DDHD1: variants seen among roughly 807,000 people sequenced by gnomAD.
The protein encoded by DDHD1 is phospholipase DDHD1.
Under a neutral mutation model 96.4 loss-of-function variants are expected in DDHD1, and 49 were observed. The observed-to-expected ratio is 0.51, with a 90% CI of 0.40 to 0.64. DDHD1 has a LOEUF of 0.64. DDHD1 is among the 30% of genes least tolerant of loss of function. The pLI, the probability that DDHD1 is intolerant of heterozygous loss-of-function variation, is 0.00. For missense variants in DDHD1, 1,106 were observed against 1,161.2 expected, an observed-to-expected ratio of 0.95 and a Z score of 0.69; for synonymous variants, 442 against 446.5, an observed-to-expected ratio of 0.99 and a Z score of 0.13.
In DDHD1 at chr14:53,152,759, A is replaced by AGCCGCC. The variant is rs778018412; in HGVS notation, c.339_340insGGCGGC (p.Ser113_Ser114insGlyGly). 133 of 1,503,084 alleles carry AGCCGCC rather than the reference A, an allele frequency of 8.8e-5. 4 individuals carry two copies. The East Asian group carries it at 3.2e-3, about 36-fold the overall frequency. 93.1% of individuals were successfully genotyped at this position (1,503,084 alleles called of 1,614,324 possible). On this transcript the variant is annotated inframe_insertion, in exon 1 of 13. Coordinates refer to ENST00000673822, the MANE Select transcript of DDHD1 (RefSeq NM_001160148.2). Reference sequence around the variant, plus strand: ...TGCTGCGGCGGGTGCAGCGACAAGGAGCTGCCGCCGCCGCCGCTCTCACCC... The same window carrying AGCCGCC: ...TGCTGCGGCGGGTGCAGCGACAAGGAGCCGCCGCTGCCGCCGCCGCCGCTCTCACCC...
At chr14:53,105,236 T>A (rs1887596845) in intron 1 of DDHD1, among the ~76,000 whole-genome samples, 1 of 152,090 alleles carries the variant, frequency 6.6e-6, no homozygotes. Context: ...TGAACACTCC[T>A]AATATAAAGA....
chr14:53,082,691 G>A (rs541163589), intron 4 of DDHD1, among the ~76,000 whole-genome samples: 43 of 151,106 alleles, frequency 2.8e-4, no homozygotes, highest in Admixed American at 5.9e-4. Context: ...CCCAGGAGGC[G>A]GAGGCTGCAG....
Position 53,037,520 on chromosome 14 carries a change from G to A in DDHD1, c.*9248C>T, listed in dbSNP as rs1022548809. 2.6e-5 allele frequency: 4 copies of A among 152,038 alleles called. No individual in the cohort carries two copies. The highest frequency in any genetic ancestry group is 6.6e-5 in the Admixed American group (1 of 15,250). 9.4% of individuals were successfully genotyped at this position (152,038 alleles called of 1,614,324 possible). ...TGATTAGTGATGAGCATTTTTTCAC[G>A]TTTGTTGATTGCTTGTATGTCTTCT... On this transcript the variant is annotated 3_prime_UTR_variant, in exon 13 of 13. Transcript: ENST00000673822.
At chr14:53,112,925 G>A (rs989153960) in intron 1 of DDHD1, among the ~76,000 whole-genome samples, 1 of 152,044 alleles carries the variant, frequency 6.6e-6, no homozygotes, top group Non-Finnish European at 1.5e-5. Context: ...CAGTCACTTG[G>A]TAAAGAAATA....
intron 1 of DDHD1, among the ~76,000 whole-genome samples, chr14:53,123,232 C>T (rs576357222): frequency 5.3e-5 from 8 of 151,412 alleles, no homozygotes; most frequent in African/African-American, 1.2e-4. Context: ...TTGCAACCTC[C>T]GCCTCCAGAG....
intron 4 of DDHD1, among the ~76,000 whole-genome samples, chr14:53,090,617 C>T (rs190460350): frequency 4.6e-5 from 7 of 152,260 alleles, no homozygotes; most frequent in Middle Eastern, 3.4e-3. Context: ...AGCAAACTAT[C>T]GCAAGGACAG....
At chr14:53,139,186 G>A (rs568353488) in intron 1 of DDHD1, among the ~76,000 whole-genome samples, 31 of 152,042 alleles carry the variant, frequency 2.0e-4, no homozygotes, top group Middle Eastern at 6.8e-3. Flanking sequence ...GCTGGGGTCC[G>A]GCAGAATTGC....
At chr14:53,074,340 C>T (rs984995194) in intron 4 of DDHD1, among the ~76,000 whole-genome samples, 2 of 151,640 alleles carry the variant, frequency 1.3e-5, no homozygotes, top group Non-Finnish European at 2.9e-5. Context: ...ATTAGTATTA[C>T]AATTACAATT....
chr14:53,144,341 C>T (rs1347800527), intron 1 of DDHD1, among the ~76,000 whole-genome samples: 1 of 152,178 alleles, frequency 6.6e-6, no homozygotes, highest in Non-Finnish European at 1.5e-5. Flanking sequence ...TTTCCTAAAC[C>T]TTACAGACAG....
At chr14:53,067,750 C>A (rs941198727) in intron 6 of DDHD1, among the ~76,000 whole-genome samples, 1 of 152,242 alleles carries the variant, frequency 6.6e-6, no homozygotes, top group African/African-American at 2.4e-5. Flanking sequence ...AGCCACCGTG[C>A]CCTGCCCAGC....
chr14:53,085,397 C>T (rs369637874), intron 4 of DDHD1, among the ~76,000 whole-genome samples: 5 of 152,126 alleles, frequency 3.3e-5, no homozygotes, highest in Non-Finnish European at 5.9e-5. Context: ...CTCACACAGC[C>T]GGGTGCCCCT....
chr14:53,138,125 C>G (rs1890369970), intron 1 of DDHD1, among the ~76,000 whole-genome samples: 1 of 152,190 alleles, frequency 6.6e-6, no homozygotes, highest in Non-Finnish European at 1.5e-5. Context: ...TACTTAAAGG[C>G]TGGGTGCGGT....
intron 1 of DDHD1, among the ~76,000 whole-genome samples, chr14:53,146,802 G>A (rs1351018465): frequency 1.3e-5 from 2 of 152,012 alleles, no homozygotes; most frequent in Non-Finnish European, 2.9e-5. Flanking sequence ...CAAAAGAGTA[G>A]AACTGTAGAT....
chr14:53,047,730 C>T (rs1429465204), intron 12 of DDHD1, among the ~76,000 whole-genome samples: 2 of 152,254 alleles, frequency 1.3e-5, no homozygotes, highest in African/African-American at 2.4e-5. Flanking sequence ...AAAGTCCTTG[C>T]GATTACCTGT....
At chr14:53,136,957 A>G (rs1339163372) in intron 1 of DDHD1, among the ~76,000 whole-genome samples, 1 of 152,228 alleles carries the variant, frequency 6.6e-6, no homozygotes, top group Non-Finnish European at 1.5e-5. Flanking sequence ...GTCCGTCAAT[A>G]AAAACATCCG....
intron 1 of DDHD1, among the ~76,000 whole-genome samples, chr14:53,130,753 C>A (rs1406503278): frequency 6.6e-6 from 1 of 152,194 alleles, no homozygotes; most frequent in Non-Finnish European, 1.5e-5. Context: ...CTGTGTGGGG[C>A]CCCACTGGAA....
chr14:53,138,412 G>A (rs1347303586), intron 1 of DDHD1, among the ~76,000 whole-genome samples: 1 of 152,210 alleles, frequency 6.6e-6, no homozygotes, highest in Admixed American at 6.5e-5. Flanking sequence ...CTGGGCAACA[G>A]AGCGAGACTC....
chr14:53,147,174 ACCAGCACAT>A (rs747474442), intron 1 of DDHD1, among the ~76,000 whole-genome samples: 5 of 152,158 alleles, frequency 3.3e-5, no homozygotes, highest in Non-Finnish European at 7.4e-5. Flanking sequence ...GGATTCCTTG[ACCAGCACAT>A]CCAGATTTTT....
rs1212261875 is a variant in DDHD1, at chr14:53,039,582, A to T, written c.*7186T>A. 1.3e-5 allele frequency: 2 copies of T among 152,326 alleles called. No individual in the cohort carries two copies. The highest frequency in any genetic ancestry group is 4.8e-5 in the African/African-American group (2 of 41,470). 9.4% of individuals were successfully genotyped at this position (152,326 alleles called of 1,614,324 possible). A position where few individuals can be genotyped will look rare whatever the true frequency, so the allele number is the denominator to read the frequency against. ...CATGGAATTGGCTAGGAGAGGATCCAAAAGGAGGGGAAACAGGATGCTGGG... is the reference window on the plus strand; with the variant it reads ...CATGGAATTGGCTAGGAGAGGATCCTAAAGGAGGGGAAACAGGATGCTGGG... On this transcript the variant is annotated 3_prime_UTR_variant, in exon 13 of 13. Transcript: ENST00000673822.
Sources: gnomAD v4.1 joint callset for allele counts (sites outside exome capture counted in the v4.1 genomes callset) on GRCh38, gnomAD v4.1.1 for gene constraint, MANE v1.5 for transcripts, NCBI Gene and HGNC (gene_info 2026-07-23, HGNC 2026-07-21) for gene names.